FSHR: variants seen among roughly 807,000 people sequenced by gnomAD.
The protein encoded by FSHR is follicle-stimulating hormone receptor.
A neutral mutation model predicts 52.1 loss-of-function variants in FSHR; 46 were observed. That is an observed-to-expected ratio of 0.88 (90% CI 0.70 to 1.13). FSHR has a LOEUF of 1.13. FSHR is among the 50% of genes most tolerant of loss of function. FSHR has a pLI of 0.00. For missense variants in FSHR, 964 were observed against 834.6 expected, an observed-to-expected ratio of 1.16 and a Z score of -1.91; for synonymous variants, 399 against 309.6, an observed-to-expected ratio of 1.29 and a Z score of -3.03.
rs149658786 is a variant in FSHR at position 49,067,097 on chromosome 2, G to A, written c.224+1122C>T. Among the ~76,000 whole-genome samples, 260 of 152,166 alleles carry A rather than the reference G, an allele frequency of 1.7e-3. 3 individuals are homozygous for A. Among genetic ancestry groups the A allele is most frequent in the African/African-American group, 5.8e-3 (242 of 41,532 alleles). On this transcript the variant is annotated intron_variant, in intron 2 of 9. Coordinates refer to ENST00000406846, the MANE Select transcript of FSHR (RefSeq NM_000145.4). ...CATGGAGATAGAAATTGGAAATCAC[G>A]TAAGCCCCTTTTTAAAACTCCTCTC...
At chr2:49,144,799 G>C (rs1210975868) in intron 1 of FSHR, among the ~76,000 whole-genome samples, 3 of 152,108 alleles carry the variant, frequency 2.0e-5, no homozygotes, top group Non-Finnish European at 4.4e-5. Flanking sequence ...CTCAGGCTGT[G>C]ATCTGATGGT....
At chr2:49,141,240 C>T (rs1306282035) in intron 1 of FSHR, among the ~76,000 whole-genome samples, 1 of 151,814 alleles carries the variant, frequency 6.6e-6, no homozygotes. Flanking sequence ...TTGTACCCAT[C>T]TGTGTTAGGC....
chr2:48,978,089 GT>G (rs1675073161), intron 8 of FSHR, among the ~76,000 whole-genome samples: 2 of 152,144 alleles, frequency 1.3e-5, no homozygotes, highest in African/African-American at 4.8e-5. Flanking sequence ...ATTTAAAATT[GT>G]TTCCACATTG....
intron 2 of FSHR, among the ~76,000 whole-genome samples, chr2:49,031,781 T>C (rs1392534607): frequency 1.3e-5 from 2 of 152,242 alleles, no homozygotes; most frequent in Non-Finnish European, 2.9e-5. Context: ...CTCGGTTTTC[T>C]CATCTTTGAA....
At chr2:49,038,606 C>T (rs936674942) in intron 2 of FSHR, among the ~76,000 whole-genome samples, 4 of 138,952 alleles carry the variant, frequency 2.9e-5, no homozygotes, top group Non-Finnish European at 6.2e-5. Flanking sequence ...GCCTGGGCGA[C>T]AGAGCAAGAC....
intron 6 of FSHR, among the ~76,000 whole-genome samples, chr2:48,986,424 A>T (rs1573049374): frequency 7.6e-6 from 1 of 131,348 alleles, no homozygotes; most frequent in African/African-American, 2.8e-5. Context: ...GAGTGTGCTC[A>T]AATGTCCCCA....
intron 1 of FSHR, among the ~76,000 whole-genome samples, chr2:49,127,874 CTTCTTCTTCTTCTTCTTCTTCTTCT>C (rs1672111080): frequency 5.1e-5 from 2 of 38,922 alleles, no homozygotes; most frequent in African/African-American, 3.9e-4. Flanking sequence ...TCTTCTTCTT[CTTCTTCTTCTTCTTCTTCTTCTTCT>C]TTTTTTTTTT....
Position 49,148,098 on chromosome 2 carries a change from C to T in FSHR, c.152+6168G>A, listed in dbSNP as rs371624239. Among the ~76,000 whole-genome samples, 192 of 152,070 alleles carry T rather than the reference C, an allele frequency of 1.3e-3. 1 individual carries two copies. The highest frequency in any genetic ancestry group is 4.3e-3 in the African/African-American group (180 of 41,512). On this transcript the variant is annotated intron_variant, in intron 1 of 9. Coordinates refer to ENST00000406846, the MANE Select transcript of FSHR (RefSeq NM_000145.4). ...AATTATATTTTTTGAACACTTCTGT[C>T]TGGTTTAAAGTGATTTTGTTTGGGC... is the stretch of plus-strand genomic sequence containing the variant.
chr2:48,964,762 C>A (rs1287509059), intron 9 of FSHR, among the ~76,000 whole-genome samples: 1 of 152,116 alleles, frequency 6.6e-6, no homozygotes, highest in African/African-American at 2.4e-5. Flanking sequence ...CTTGGTTTTG[C>A]CTTTAAACCC....
rs370175753 is a variant in FSHR, at chr2:49,086,501, C to G, written c.153-18211G>C. ...TTCTGGTACCTGAAAAGCTGCAGTC[C>G]GAGTGGGCTTCAGAACTCAGTGATT... On this transcript the variant is annotated intron_variant, in intron 1 of 9. Transcript: ENST00000406846. Among the ~76,000 whole-genome samples the G allele has an allele frequency of 3.9e-5, 6 of 152,212 alleles. No homozygotes were observed. The South Asian group carries it at 8.3e-4, about 21-fold the overall frequency.
intron 2 of FSHR, among the ~76,000 whole-genome samples, chr2:49,042,227 C>A (rs1462723429): frequency 6.6e-6 from 1 of 152,172 alleles, no homozygotes; most frequent in Non-Finnish European, 1.5e-5. Context: ...TGAAAACTCA[C>A]CTTCCAATTT....
intron 1 of FSHR, among the ~76,000 whole-genome samples, chr2:49,107,651 C>A (rs781113970): frequency 3.3e-5 from 5 of 152,070 alleles, no homozygotes; most frequent in Non-Finnish European, 7.4e-5. Flanking sequence ...TGGTAATCTA[C>A]CCCTTGGCAA....
At chr2:49,036,663 G>A (rs1021897204) in intron 2 of FSHR, among the ~76,000 whole-genome samples, 2 of 152,044 alleles carry the variant, frequency 1.3e-5, no homozygotes, top group Non-Finnish European at 2.9e-5. Flanking sequence ...AGTACCATCA[G>A]GCAGCCCCAG....
chr2:49,041,664 C>A lies in FSHR; in HGVS notation c.225-21504G>T, dbSNP rs544087074. ...TCAATTCTGGAATTGGAAGGGAATC[C>A]AAGGAGATCTATACCAGGCAATGCA... On this transcript the variant is annotated intron_variant, in intron 2 of 9. Transcript: ENST00000406846. 1.4e-4 allele frequency among the ~76,000 whole-genome samples: 21 copies of A among 152,078 alleles called. No individual in the cohort carries two copies. In the South Asian group the frequency reaches 1.7e-3, roughly 12 times the overall value.
At chr2:49,020,259 GAC>G in intron 2 of FSHR, 99 bp from the exon 3 acceptor site, 1 of 1,033,612 alleles carries the variant, frequency 9.7e-7, no homozygotes, top group South Asian at 1.3e-5. Context: ...GGATTCACAA[GAC>G]ACACAAAACT....
intron 2 of FSHR, among the ~76,000 whole-genome samples, chr2:49,047,408 G>A (rs527669484): frequency 5.3e-5 from 8 of 152,310 alleles, no homozygotes; most frequent in African/African-American, 1.7e-4. Context: ...AGAGAGTGAG[G>A]AGCCCATCAA....
At chr2:49,065,330 G>A (rs777650829) in intron 2 of FSHR, among the ~76,000 whole-genome samples, 7 of 152,104 alleles carry the variant, frequency 4.6e-5, no homozygotes, top group Non-Finnish European at 1.0e-4. Flanking sequence ...GCTTCATACA[G>A]TAGGTTATGT....
intron 1 of FSHR, among the ~76,000 whole-genome samples, chr2:49,112,251 GAC>G (rs1558447604): frequency 6.6e-6 from 1 of 152,124 alleles, no homozygotes; most frequent in East Asian, 1.9e-4. Context: ...ATTATTATAA[GAC>G]AGTGAAGTTG....
intron 1 of FSHR, among the ~76,000 whole-genome samples, chr2:49,074,112 G>A (rs562019202): frequency 6.6e-6 from 1 of 152,160 alleles, no homozygotes; most frequent in South Asian, 2.1e-4. Context: ...AAGTGCTTCA[G>A]AGCATTGGTC....
Sources: allele counts gnomAD v4.1 joint callset (sites outside exome capture counted in the v4.1 genomes callset), GRCh38; gene constraint gnomAD v4.1.1; transcripts MANE v1.5; gene names NCBI Gene and HGNC (gene_info 2026-07-23, HGNC 2026-07-21).